Variants in METAP1D observed in about 807,000 individuals in gnomAD.
METAP1D encodes methionine aminopeptidase 1D, mitochondrial.
METAP1D carries 31 observed loss-of-function variants against 40.5 expected under a neutral mutation model. That is an observed-to-expected ratio of 0.77 (90% CI 0.58 to 1.03). The LOEUF is 1.03. Ranked by LOEUF, METAP1D falls within the 50% of genes least tolerant of loss-of-function variation. METAP1D has a pLI of 0.00. For synonymous variants in METAP1D, 151 were observed against 146.4 expected, an observed-to-expected ratio of 1.03 and a Z score of -0.22; for missense variants, 411 against 420.7, an observed-to-expected ratio of 0.98 and a Z score of 0.20.
At chr2:172,010,990 A>T (rs190285834) in intron 1 of METAP1D, among the ~76,000 whole-genome samples, 1 of 151,554 alleles carries the variant, frequency 6.6e-6, no homozygotes, top group Non-Finnish European at 1.5e-5. Context: ...CCTGACCTCA[A>T]GTGATCTGCC....
chr2:172,018,098 G>C (rs1688919805), intron 1 of METAP1D, among the ~76,000 whole-genome samples: 2 of 128,872 alleles, frequency 1.6e-5, no homozygotes, highest in South Asian at 5.0e-4. Flanking sequence ...CTGCACTCCA[G>C]CCTGGGTGAC....
At chr2:172,035,997 A>AT (rs202218670) in intron 1 of METAP1D, among the ~76,000 whole-genome samples, 24 of 151,488 alleles carry the variant, frequency 1.6e-4, no homozygotes, top group Admixed American at 3.3e-4. Flanking sequence ...TAGTGAATTC[A>AT]TTTTTTTTGC....
chr2:172,077,869 T>C lies in METAP1D; in HGVS notation c.777T>C (p.His259=). The part of the protein sequence containing the change: ...FVGHGIGSYF[H]GHPEIWHHAN... ...GACATGGAATAGGATCTTACTTTCA[T>C]GGACATCCAGAAATTTGGCATCATG... Residue 259 remains histidine, a synonymous_variant, in exon 7 of 10, where the codon CAT becomes CAC. Coordinates refer to ENST00000315796, the MANE Select transcript of METAP1D (RefSeq NM_199227.3). The C allele has an allele frequency of 1.2e-6, 2 of 1,609,408 alleles. No homozygotes were observed. Among genetic ancestry groups the C allele is most frequent in the African/African-American group, 2.7e-5 (2 of 74,922 alleles).
chr2:172,080,747 A>C lies in METAP1D; in HGVS notation c.*341A>C, dbSNP rs550035983. The stretch of plus-strand genomic sequence containing the variant: ...TTTCCCTTGCCCTGACTGTTGGAGT[A>C]AAAAACCTCTTAAATCCATTGTATC... On this transcript the variant is annotated 3_prime_UTR_variant, in exon 10 of 10. Transcript: ENST00000315796. 9.1e-6 allele frequency: 4 copies of C among 438,090 alleles called. No individual in the cohort carries two copies. Among genetic ancestry groups the C allele is most frequent in the African/African-American group, 2.0e-5 (1 of 50,304 alleles). 27.1% of individuals were successfully genotyped at this position (438,090 alleles called of 1,614,324 possible).
chr2:172,035,801 A>G (rs1689362649), intron 1 of METAP1D, among the ~76,000 whole-genome samples: 3 of 152,054 alleles, frequency 2.0e-5, no homozygotes, highest in Non-Finnish European at 4.4e-5. Flanking sequence ...GATGCATGCC[A>G]TCATGCCTGG....
intron 1 of METAP1D, among the ~76,000 whole-genome samples, chr2:172,005,817 C>A (rs555813649): frequency 7.2e-5 from 11 of 151,882 alleles, no homozygotes; most frequent in African/African-American, 2.7e-4. Context: ...GGATTACAGG[C>A]ATAAGCTACC....
chr2:172,004,605 A>AT (rs1313683780), intron 1 of METAP1D, among the ~76,000 whole-genome samples: 1 of 152,120 alleles, frequency 6.6e-6, no homozygotes, highest in African/African-American at 2.4e-5. Flanking sequence ...GATTATAAGC[A>AT]TGAGCCACCA....
intron 1 of METAP1D, among the ~76,000 whole-genome samples, chr2:172,037,425 A>G (rs77535465): frequency 0.97 from 147,509 of 152,194 alleles, 71,671 homozygotes; most frequent in Middle Eastern, 1. Context: ...AAAAATAGTA[A>G]AGCTTTAAAA....
chr2:172,010,461 T>TA (rs1491175847), intron 1 of METAP1D, among the ~76,000 whole-genome samples: 1 of 140,768 alleles, frequency 7.1e-6, no homozygotes. Flanking sequence ...TTTTTTTTTT[T>TA]AACAACTTTT....
At chr2:172,057,104 T>C (rs788171) in intron 1 of METAP1D, among the ~76,000 whole-genome samples, 85,239 of 151,962 alleles carry the variant, frequency 0.56, 24,419 homozygotes, top group Middle Eastern at 0.65. Flanking sequence ...TGGATTTGGA[T>C]TTACAGGATT....
chr2:172,034,526 T>C (rs1429361200), intron 1 of METAP1D, among the ~76,000 whole-genome samples: 1 of 152,086 alleles, frequency 6.6e-6, no homozygotes, highest in Non-Finnish European at 1.5e-5. Context: ...CTTAATAATA[T>C]GTATGATGTT....
chr2:172,042,967 G>A (rs56235685), intron 1 of METAP1D, among the ~76,000 whole-genome samples: 63,272 of 112,822 alleles, frequency 0.56, 22,479 homozygotes, highest in African/African-American at 0.61. Context: ...ATATATATGC[G>A]TACATGTGCA....
intron 6 of METAP1D, among the ~76,000 whole-genome samples, chr2:172,075,771 C>G (rs72877513): frequency 0.012 from 1,859 of 152,284 alleles, 30 homozygotes; most frequent in Non-Finnish European, 0.017. Context: ...CTCTGCAAAG[C>G]AAACAGGAGT....
At chr2:172,021,022 A>G (rs1688992206) in intron 1 of METAP1D, among the ~76,000 whole-genome samples, 1 of 152,164 alleles carries the variant, frequency 6.6e-6, no homozygotes, top group African/African-American at 2.4e-5. Context: ...TTTTTTTACT[A>G]CTATTAAAAA....
intron 1 of METAP1D, among the ~76,000 whole-genome samples, chr2:172,017,543 C>T (rs1007041906): frequency 6.6e-6 from 1 of 151,690 alleles, no homozygotes; most frequent in Admixed American, 6.6e-5. Context: ...TGGTAGATTT[C>T]TGACTAACAA....
intron 1 of METAP1D, among the ~76,000 whole-genome samples, chr2:172,034,994 T>C (rs918419730): frequency 2.6e-5 from 4 of 152,008 alleles, no homozygotes; most frequent in South Asian, 4.1e-4. Context: ...TTCTTTTTTT[T>C]TTTTTTGTTG....
chr2:172,022,266 C>T (rs1031487502), intron 1 of METAP1D, among the ~76,000 whole-genome samples: 1 of 152,166 alleles, frequency 6.6e-6, no homozygotes, highest in Non-Finnish European at 1.5e-5. Flanking sequence ...AAATGTCTTC[C>T]GGCATTCACA....
At chr2:172,073,663 A>G (rs1371114722) in intron 6 of METAP1D, among the ~76,000 whole-genome samples, 1 of 152,202 alleles carries the variant, frequency 6.6e-6, no homozygotes. Context: ...ATTTGTTCTG[A>G]TGTGTTAAAG....
chr2:172,054,010 T>G (rs79756029), intron 1 of METAP1D, among the ~76,000 whole-genome samples: 2,294 of 152,334 alleles, frequency 0.015, 33 homozygotes, highest in Non-Finnish European at 0.025. Flanking sequence ...TAAAAATACT[T>G]ATTGACCAAA....
Sources: gnomAD v4.1 joint callset for allele counts (sites outside exome capture counted in the v4.1 genomes callset) on GRCh38, gnomAD v4.1.1 for gene constraint, MANE v1.5 for transcripts, NCBI Gene and HGNC (gene_info 2026-07-23, HGNC 2026-07-21) for gene names.